COL15A1: variants seen among roughly 807,000 people sequenced by gnomAD.
COL15A1 encodes the protein collagen alpha-1(XV) chain.
In COL15A1, 111 loss-of-function variants were observed where a neutral mutation model predicts 165.9. The ratio of observed to expected loss-of-function variants is 0.67; its 90% CI spans 0.57 to 0.78. The LOEUF is 0.78. COL15A1 is among the 30% of genes least tolerant of loss of function. COL15A1 has a pLI of 0.00. For synonymous variants in COL15A1, 659 were observed against 674.8 expected (o/e 0.98, Z 0.36); for missense variants, 1,745 against 1,789.7 (o/e 0.98, Z 0.45).
At chr9:99,038,802 A>G (rs1192612027) in intron 22 of COL15A1, 69 bp downstream of exon 22, 8 of 906,992 alleles carry the variant, frequency 8.8e-6, no homozygotes, top group Admixed American at 3.5e-5. Flanking sequence ...AAGTCGGGTT[A>G]CTTTGGAATC....
intron 2 of COL15A1, among the ~76,000 whole-genome samples, chr9:98,955,061 T>C (rs549504447): frequency 6.6e-6 from 1 of 152,316 alleles, no homozygotes; most frequent in Admixed American, 6.5e-5. Context: ...TGGAATCATT[T>C]TGGGGATTCC....
chr9:98,948,665 A>G (rs947486859), intron 2 of COL15A1, among the ~76,000 whole-genome samples: 3 of 151,700 alleles, frequency 2.0e-5, no homozygotes, highest in African/African-American at 4.8e-5. Context: ...TGTACCTCCA[A>G]TGGTCAGGGT....
chr9:98,990,708 G>T (rs1325164204), intron 5 of COL15A1, among the ~76,000 whole-genome samples: 1 of 152,176 alleles, frequency 6.6e-6, no homozygotes, highest in East Asian at 1.9e-4. Flanking sequence ...GCTTGGGAGG[G>T]GGCACCAGAG....
chr9:99,016,523 G>A (rs540317392), intron 11 of COL15A1, among the ~76,000 whole-genome samples: 1 of 152,314 alleles, frequency 6.6e-6, no homozygotes, highest in South Asian at 2.1e-4. Context: ...GGCTACAACT[G>A]TGTGACCTTA....
intron 39 of COL15A1, among the ~76,000 whole-genome samples, chr9:99,063,592 A>T (rs540810156): frequency 6.6e-6 from 1 of 152,184 alleles, no homozygotes; most frequent in African/African-American, 2.4e-5. Context: ...TCTGTGGGCA[A>T]TGGGGAGCTA....
At chr9:99,020,525 C>T (rs1839009003) in intron 12 of COL15A1, 83 bp downstream of exon 12, 1 of 987,830 alleles carries the variant, frequency 1.0e-6, no homozygotes, top group Non-Finnish European at 1.6e-6. Context: ...ATTTAGCCCA[C>T]TCTGATCAAG....
At position 99,038,444 on chromosome 9, in the gene COL15A1, A is replaced by G. The variant is rs148714845; in HGVS notation, c.2410-224A>G. Among the ~76,000 whole-genome samples, 1,125 of 152,368 alleles carry G rather than the reference A, an allele frequency of 7.4e-3. 2 individuals are homozygous for G. Among genetic ancestry groups the G allele is most frequent in the Middle Eastern group, 0.024 (7 of 294 alleles). On this transcript the variant is annotated intron_variant, in intron 21 of 41. Coordinates refer to ENST00000375001, the MANE Select transcript of COL15A1 (RefSeq NM_001855.5). ...CTCTAAAAAGAGAAGACATTCGTAT[A>G]TTGTGTGATTTAAAAATTAAGTAAA...
At chr9:98,972,705 C>T (rs1278660036) in intron 2 of COL15A1, among the ~76,000 whole-genome samples, 4 of 152,058 alleles carry the variant, frequency 2.6e-5, no homozygotes, top group African/African-American at 7.2e-5. Context: ...TGCTGAGGAC[C>T]GAGAGATGAG....
intron 2 of COL15A1, among the ~76,000 whole-genome samples, chr9:98,969,229 T>A (rs907294226): frequency 6.6e-6 from 1 of 152,192 alleles, no homozygotes; most frequent in Non-Finnish European, 1.5e-5. Flanking sequence ...AGAAGGCTAA[T>A]GTCACTGATA....
chr9:99,057,221 G>T (rs1356690860), intron 35 of COL15A1, among the ~76,000 whole-genome samples: 1 of 152,160 alleles, frequency 6.6e-6, no homozygotes, highest in Non-Finnish European at 1.5e-5. Flanking sequence ...TATCCTCATT[G>T]TATCTTTTTG....
chr9:98,951,307 CAG>C (rs1837683544), intron 2 of COL15A1, among the ~76,000 whole-genome samples: 1 of 152,192 alleles, frequency 6.6e-6, no homozygotes, highest in South Asian at 2.1e-4. Context: ...CATCAAAGAA[CAG>C]AACTGGTTGG....
chr9:99,049,552 G>A, intron 28 of COL15A1, 138 bp from the exon 29 acceptor site: 1 of 996,092 alleles, frequency 1.0e-6, no homozygotes, highest in Non-Finnish European at 1.5e-6. Context: ...GTGCTCTGTG[G>A]CTCCCTGAGC....
At position 98,989,243 on chromosome 9, in the gene COL15A1, C is replaced by G; in HGVS notation, c.789C>G (p.Thr263=). 1 of 1,613,930 alleles carries G rather than the reference C, an allele frequency of 6.2e-7. No homozygotes were observed. Among genetic ancestry groups the G allele is most frequent in the Non-Finnish European group, 8.5e-7 (1 of 1,179,780 alleles). ...DGVAEILEAV[T]YTQASPKEAK... ...TAGCTGAGATCTTAGAAGCCGTCACCTACACTCAAGCCTCGGTGAGTACTG... is the reference window on the plus strand; with the variant it reads ...TAGCTGAGATCTTAGAAGCCGTCACGTACACTCAAGCCTCGGTGAGTACTG... The change falls in exon 5 of 42, where the codon ACC becomes ACG. Residue 263 remains threonine (T), a synonymous_variant. Transcript: ENST00000375001.
intron 2 of COL15A1, among the ~76,000 whole-genome samples, chr9:98,983,581 T>C (rs1306525925): frequency 6.6e-6 from 1 of 152,210 alleles, no homozygotes; most frequent in African/African-American, 2.4e-5. Context: ...ATTGTTATTA[T>C]TCTTTATAAG....
chr9:99,024,095 G>T lies in COL15A1; in HGVS notation c.1854+646G>T, dbSNP rs76247895. On this transcript the variant is annotated intron_variant, in intron 14 of 41. Coordinates refer to ENST00000375001, the MANE Select transcript of COL15A1 (RefSeq NM_001855.5). ...CCCTGGTTGAAAGCTCCACTTGGCT[G>T]CCCCTCTGCCCACTCCTCATGGCCA... 8.5e-3 allele frequency among the ~76,000 whole-genome samples: 1,294 copies of T among 152,180 alleles called. 22 individuals are homozygous for T. The highest frequency in any genetic ancestry group is 0.03 in the African/African-American group (1,244 of 41,524).
chr9:99,048,013 G>T lies in COL15A1; in HGVS notation c.2793+13G>T. The T allele has an allele frequency of 6.7e-7, 1 of 1,484,162 alleles. No individual in the cohort carries two copies. The highest frequency in any genetic ancestry group is 2.4e-5 in the East Asian group (1 of 41,646). The allele number at this position is 1,484,162 out of a possible 1,614,324, so 91.9% of individuals were successfully genotyped here. ...GGTCATTATGCAGGTGAGTCACCCT[G>T]GGGATGGAGCCGGAGGTTGGTGTCC... On this transcript the variant is annotated intron_variant, in intron 28 of 41. Coordinates refer to ENST00000375001, the MANE Select transcript of COL15A1 (RefSeq NM_001855.5).
At chr9:99,049,343 C>T (rs1166697860) in intron 28 of COL15A1, among the ~76,000 whole-genome samples, 1 of 152,202 alleles carries the variant, frequency 6.6e-6, no homozygotes, top group African/African-American at 2.4e-5. Context: ...GATAGGGGAG[C>T]CTTAGGCTCA....
At position 98,987,302 on chromosome 9, in the gene COL15A1, C is replaced by G. The variant is rs771679754; in HGVS notation, c.657C>G (p.Leu219=). The change falls in exon 4 of 42, where the codon CTC becomes CTG. Residue 219 remains leucine (L), a synonymous_variant. Transcript: ENST00000375001. ...ATGLERFTGS[L]QQLTVHPDPR... ...CCGTCTCTTTTCCCCAGGGCTCCCTCCAGCAGCTCACCGTGCACCCCGACC... is the reference window on the plus strand; with the variant it reads ...CCGTCTCTTTTCCCCAGGGCTCCCTGCAGCAGCTCACCGTGCACCCCGACC... 2 of 1,613,590 alleles carry G rather than the reference C, an allele frequency of 1.2e-6. No homozygotes were observed. Among genetic ancestry groups the G allele is most frequent in the Non-Finnish European group, 8.5e-7 (1 of 1,179,818 alleles).
chr9:99,045,755 T>C (rs1247028375), intron 26 of COL15A1, among the ~76,000 whole-genome samples: 1 of 152,212 alleles, frequency 6.6e-6, no homozygotes, highest in East Asian at 1.9e-4. Flanking sequence ...AGGCTTTAGG[T>C]CCAGTCTCTT....
Sources: gnomAD v4.1 joint callset for allele counts (sites outside exome capture counted in the v4.1 genomes callset) on GRCh38, gnomAD v4.1.1 for gene constraint, MANE v1.5 for transcripts, NCBI Gene and HGNC (gene_info 2026-07-23, HGNC 2026-07-21) for gene names.